Variants in GNAQ observed in about 807,000 individuals in gnomAD.
GNAQ encodes G protein subunit alpha q, also known as guanine nucleotide-binding protein G(q) subunit alpha.
In GNAQ, 8 loss-of-function variants were observed where a neutral mutation model predicts 43.9. The observed-to-expected ratio is 0.18, with a 90% CI of 0.11 to 0.33. GNAQ has a LOEUF of 0.33. Among genes scored for constraint, GNAQ ranks in the 10% least tolerant of loss-of-function variants. The pLI, the probability that GNAQ is intolerant of heterozygous loss-of-function variation, is 1.00. For synonymous variants in GNAQ, 155 were observed against 170.7 expected (o/e 0.91, Z 0.71); for missense variants, 158 against 450.8 (o/e 0.35, Z 5.88).
rs895809139 is a variant in GNAQ, at chr9:78,001,482, A to G, written c.136+29618T>C. Among the ~76,000 whole-genome samples, 5 of 152,202 alleles carry G rather than the reference A, an allele frequency of 3.3e-5. No homozygotes were observed. The South Asian group carries it at 8.3e-4, about 25-fold the overall frequency. On this transcript the variant is annotated intron_variant, in intron 1 of 6. Transcript: ENST00000286548. ...ATATATCCCCAAATGGTGGATCATT[A>G]GAATGCATTTAATAAGTACAGATTC...
intron 2 of GNAQ, among the ~76,000 whole-genome samples, chr9:77,912,596 GAAAACAAAAAGCC>G (rs1828826600): frequency 6.6e-6 from 1 of 151,770 alleles, no homozygotes; most frequent in East Asian, 1.9e-4. Flanking sequence ...GAACCATTAA[GAAAACAAAAAGCC>G]ACAAAATAGA....
chr9:77,776,150 C>T (rs1427323687), intron 5 of GNAQ, among the ~76,000 whole-genome samples: 1 of 152,174 alleles, frequency 6.6e-6, no homozygotes, highest in Non-Finnish European at 1.5e-5. Context: ...TTGTTTTGTG[C>T]AACTTGTGTT....
chr9:78,003,621 C>A (rs1587456075), intron 1 of GNAQ, among the ~76,000 whole-genome samples: 1 of 152,122 alleles, frequency 6.6e-6, no homozygotes, highest in South Asian at 2.1e-4. Flanking sequence ...TCAAGACCAG[C>A]CTGGGCAACA....
rs147019779 is a variant in GNAQ at position 77,847,296 on chromosome 9, C to T, written c.322-31526G>A. Among the ~76,000 whole-genome samples, 559 of 152,314 alleles carry T rather than the reference C, an allele frequency of 3.7e-3. 3 individuals are homozygous for T. Among genetic ancestry groups the T allele is most frequent in the African/African-American group, 0.012 (504 of 41,564 alleles). On this transcript the variant is annotated intron_variant, in intron 2 of 6. Coordinates refer to ENST00000286548, the MANE Select transcript of GNAQ (RefSeq NM_002072.5). ...GCAAATAAATTCAGAAAGCCGGAAA[C>T]GCTAATTATTAGGCAGAGACAAACC... is the stretch of plus-strand genomic sequence containing the variant.
intron 2 of GNAQ, among the ~76,000 whole-genome samples, chr9:77,893,213 A>G (rs1256443920): frequency 3.9e-5 from 6 of 152,328 alleles, no homozygotes; most frequent in Non-Finnish European, 8.8e-5. Context: ...GATACAGGTC[A>G]TAAAGACCTT....
intron 2 of GNAQ, among the ~76,000 whole-genome samples, chr9:77,833,156 C>T (rs1372848698): frequency 4.0e-5 from 6 of 151,862 alleles, no homozygotes; most frequent in Non-Finnish European, 5.9e-5. Context: ...TTTGTAGAGA[C>T]GGGGATTCAC....
chr9:77,749,961 T>C (rs1043046604), intron 5 of GNAQ, among the ~76,000 whole-genome samples: 2 of 152,158 alleles, frequency 1.3e-5, no homozygotes, highest in African/African-American at 4.8e-5. Flanking sequence ...TCTTCACTAA[T>C]TTAGACTGTT....
At chr9:77,749,615 G>A (rs904037436) in intron 5 of GNAQ, among the ~76,000 whole-genome samples, 1 of 152,142 alleles carries the variant, frequency 6.6e-6, no homozygotes, top group Non-Finnish European at 1.5e-5. Flanking sequence ...AATAGGTGAA[G>A]GGTTAATTCC....
intron 5 of GNAQ, among the ~76,000 whole-genome samples, chr9:77,761,122 T>A (rs966724047): frequency 7.5e-4 from 95 of 126,458 alleles, no homozygotes; most frequent in South Asian, 7.8e-4. Context: ...AGGTGGGGGG[T>A]CAGCCCCCCG....
chr9:77,940,453 C>G (rs7857702), intron 1 of GNAQ, among the ~76,000 whole-genome samples: 2,044 of 152,124 alleles, frequency 0.013, 52 homozygotes, highest in African/African-American at 0.046. Flanking sequence ...ATGGTGGGCA[C>G]CTGTGGTCCT....
intron 5 of GNAQ, among the ~76,000 whole-genome samples, 188 bp from the exon 6 acceptor site, chr9:77,728,855 A>C (rs1255834756): frequency 6.6e-6 from 1 of 152,184 alleles, no homozygotes; most frequent in Non-Finnish European, 1.5e-5. Flanking sequence ...TCATTATGCA[A>C]ACTCTCAGGC....
chr9:77,914,828 C>CAAAA (rs71503232), intron 2 of GNAQ, among the ~76,000 whole-genome samples: 10 of 98,114 alleles, frequency 1.0e-4, no homozygotes, highest in Non-Finnish European at 1.5e-4. Flanking sequence ...TTTTGAACAC[C>CAAAA]AAAAAAAAAA....
At chr9:77,992,733 T>C (rs1025325617) in intron 1 of GNAQ, among the ~76,000 whole-genome samples, 1 of 151,934 alleles carries the variant, frequency 6.6e-6, no homozygotes, top group African/African-American at 2.4e-5. Flanking sequence ...TCACCTGAGG[T>C]CAAGAGTTTG....
chr9:77,946,962 T>C (rs1587425110), intron 1 of GNAQ, among the ~76,000 whole-genome samples: 2 of 152,260 alleles, frequency 1.3e-5, no homozygotes. Flanking sequence ...CTTAATATTA[T>C]GGCAAATAAA....
chr9:77,952,805 A>C (rs1822998560), intron 1 of GNAQ, among the ~76,000 whole-genome samples: 1 of 152,220 alleles, frequency 6.6e-6, no homozygotes, highest in Non-Finnish European at 1.5e-5. Context: ...CCCATTAATA[A>C]ATAATAAAAC....
At chr9:78,030,014 AT>A (rs1427786680) in intron 1 of GNAQ, among the ~76,000 whole-genome samples, 3 of 152,086 alleles carry the variant, frequency 2.0e-5, no homozygotes, top group African/African-American at 7.2e-5. Flanking sequence ...TCATCAATAA[AT>A]TTCTATTTGA....
chr9:77,796,255 C>T (rs1040772961), intron 4 of GNAQ, among the ~76,000 whole-genome samples: 5 of 152,080 alleles, frequency 3.3e-5, no homozygotes, highest in South Asian at 2.1e-4. Context: ...GTACAGAGGC[C>T]GATTAGAAGA....
intron 5 of GNAQ, among the ~76,000 whole-genome samples, chr9:77,746,033 G>T (rs1825723261): frequency 6.6e-6 from 1 of 152,026 alleles, no homozygotes; most frequent in African/African-American, 2.4e-5. Context: ...CACATATAAA[G>T]AATAAGGAAG....
intron 1 of GNAQ, among the ~76,000 whole-genome samples, chr9:77,968,084 C>T (rs540490943): frequency 1.3e-5 from 2 of 152,184 alleles, no homozygotes; most frequent in South Asian, 2.1e-4. Context: ...CACAACTCTG[C>T]GAGTATACTA....
Sources: gnomAD v4.1 joint callset for allele counts (sites outside exome capture counted in the v4.1 genomes callset) on GRCh38, gnomAD v4.1.1 for gene constraint, MANE v1.5 for transcripts, NCBI Gene and HGNC (gene_info 2026-07-23, HGNC 2026-07-21) for gene names.